Variants in TSN observed in about 807,000 individuals in gnomAD.
TSN encodes component 3 of promoter of RISC.
A neutral mutation model predicts 29.4 loss-of-function variants in TSN; 5 were observed. That is an observed-to-expected ratio of 0.17 (90% CI 0.09 to 0.36). The LOEUF (loss-of-function observed/expected upper bound fraction) is 0.36, where lower values mean the gene tolerates loss of function less well. Ranked by LOEUF, TSN falls within the 10% of genes least tolerant of loss-of-function variation. The pLI, the probability that TSN is intolerant of heterozygous loss-of-function variation, is 1.00. For missense variants in TSN, 159 were observed against 272.8 expected (o/e 0.58, Z 2.94); for synonymous variants, 106 against 102.2 (o/e 1.04, Z -0.23).
intron 1 of TSN, chr2:121,756,298 A>G: frequency 4.0e-6 from 1 of 248,942 alleles, no homozygotes; most frequent in South Asian, 3.8e-5. Flanking sequence ...GTCTTTGTGT[A>G]TGATGTTCAC....
At chr2:121,757,372 T>C (rs773248993) in intron 2 of TSN, 39 bp downstream of exon 2, 3 of 1,613,152 alleles carry the variant, frequency 1.9e-6, no homozygotes, top group Non-Finnish European at 2.5e-6. Context: ...CAGTCTCTTA[T>C]TTAGAGGGAG....
Position 121,761,389 on chromosome 2 carries a change from A to C in TSN, c.258-20A>C, listed in dbSNP as rs750845308. ...GAAGGTCCCTAACCTTGGAGGCTAAATGTGCTTATTTTCATGCAGATTTCA... is the reference window on the plus strand; with the variant it reads ...GAAGGTCCCTAACCTTGGAGGCTAACTGTGCTTATTTTCATGCAGATTTCA... On this transcript the variant is annotated intron_variant, in intron 3 of 5. Coordinates refer to ENST00000389682, the MANE Select transcript of TSN (RefSeq NM_004622.3). 1.3e-6 allele frequency: 2 copies of C among 1,593,020 alleles called. No individual in the cohort carries two copies. Among genetic ancestry groups the C allele is most frequent in the Admixed American group, 1.7e-5 (1 of 59,988 alleles).
chr2:121,757,504 T>G (rs1166540799), intron 2 of TSN, 171 bp downstream of exon 2: 8 of 1,290,636 alleles, frequency 6.2e-6, no homozygotes, highest in Non-Finnish European at 8.6e-6. Flanking sequence ...CCACACAGTA[T>G]GGTTTAAACA....
Position 121,755,690 on chromosome 2 carries a change from G to C in TSN, c.-90G>C. 1 of 1,538,020 alleles carries C rather than the reference G, an allele frequency of 6.5e-7. No individual in the cohort carries two copies. Among genetic ancestry groups the C allele is most frequent in the Non-Finnish European group, 8.9e-7 (1 of 1,125,564 alleles). ...ACCGGGGGGACGCGGCGGTAGCGGC[G>C]GCCGTTGCGATTGATTGCGCTGGTT... On this transcript the variant is annotated 5_prime_UTR_variant, in exon 1 of 6. Transcript: ENST00000389682.
At chr2:121,764,985 T>C in intron 5 of TSN, 149 bp from the exon 6 acceptor site, 1 of 713,704 alleles carries the variant, frequency 1.4e-6, no homozygotes, top group Non-Finnish European at 2.4e-6. Flanking sequence ...TCAGAGAAGC[T>C]CCTGTCTTGT....
chr2:121,764,571 A>C (rs1473392646), intron 5 of TSN, among the ~76,000 whole-genome samples: 1 of 152,118 alleles, frequency 6.6e-6, no homozygotes, highest in African/African-American at 2.4e-5. Flanking sequence ...TTTTAAAGCC[A>C]GTCAAATGGA....
At chr2:121,760,512 C>G (rs1297972989) in intron 3 of TSN, among the ~76,000 whole-genome samples, 1 of 151,898 alleles carries the variant, frequency 6.6e-6, no homozygotes, top group Non-Finnish European at 1.5e-5. Flanking sequence ...TTTGTGTGAC[C>G]TGCATTATGT....
rs1378128511 is a variant in TSN at position 121,765,048 on chromosome 2, C to G, written c.454-86C>G. On this transcript the variant is annotated intron_variant, in intron 5 of 5. Coordinates refer to ENST00000389682, the MANE Select transcript of TSN (RefSeq NM_004622.3). ...AGATCAGCGTGGCTGTCTAGGCTTG[C>G]GGTTCTTCTGGTTGTGATTCAGAGG... The G allele has an allele frequency of 2.4e-6, 3 of 1,270,574 alleles. No individual in the cohort carries two copies. The East Asian group carries it at 6.9e-5, about 29-fold the overall frequency. The allele number at this position is 1,270,574 out of a possible 1,614,324, so 78.7% of individuals were successfully genotyped here. A position where few individuals can be genotyped will look rare whatever the true frequency, so the allele number is the denominator to read the frequency against.
rs2074739298 is a variant in TSN, at chr2:121,755,916, C to T, written c.66+71C>T. ...TTGGGCCACTTCGCCCGGCCCTCCT[C>T]TGTCGCTCAGTCTCGGGCGGTGGGG... On this transcript the variant is annotated intron_variant, in intron 1 of 5. Transcript: ENST00000389682. 9 of 1,605,202 alleles carry T rather than the reference C, an allele frequency of 5.6e-6. No homozygotes were observed. In the South Asian group the frequency reaches 7.7e-5, roughly 14 times the overall value.
At chr2:121,759,485 G>A (rs190971137) in intron 3 of TSN, among the ~76,000 whole-genome samples, 3 of 152,170 alleles carry the variant, frequency 2.0e-5, no homozygotes, top group Admixed American at 1.3e-4. Context: ...GCTTATCCCT[G>A]TAACCCCAGC....
At chr2:121,759,902 A>G (rs1454183579) in intron 3 of TSN, among the ~76,000 whole-genome samples, 1 of 152,252 alleles carries the variant, frequency 6.6e-6, no homozygotes, top group African/African-American at 2.4e-5. Flanking sequence ...TGTTAAAAAA[A>G]AGAAAATCCC....
At chr2:121,763,111 T>A in intron 5 of TSN, 27 bp downstream of exon 5, 1 of 1,538,884 alleles carries the variant, frequency 6.5e-7, no homozygotes, top group Non-Finnish European at 8.8e-7. Flanking sequence ...GCTGGTTGCT[T>A]TTTTGATCTT....
chr2:121,762,592 A>G (rs561229836), intron 4 of TSN, among the ~76,000 whole-genome samples: 1 of 152,380 alleles, frequency 6.6e-6, no homozygotes, highest in East Asian at 1.9e-4. Context: ...AAAGAATAGT[A>G]CAATGAATAC....
intron 5 of TSN, 65 bp downstream of exon 5, chr2:121,763,149 T>G (rs1383638777): frequency 4.5e-6 from 6 of 1,328,642 alleles, no homozygotes; most frequent in East Asian, 2.5e-5. Context: ...TTTTTTTTTT[T>G]TTTTTTTTTT....
In TSN at chr2:121,761,391, G is replaced by A. The variant is rs1382720657; in HGVS notation, c.258-18G>A. ...AGGTCCCTAACCTTGGAGGCTAAAT[G>A]TGCTTATTTTCATGCAGATTTCATG... On this transcript the variant is annotated intron_variant, in intron 3 of 5. Coordinates refer to ENST00000389682, the MANE Select transcript of TSN (RefSeq NM_004622.3). 1.3e-6 allele frequency: 2 copies of A among 1,598,960 alleles called. No individual in the cohort carries two copies. The highest frequency in any genetic ancestry group is 1.7e-6 in the Non-Finnish European group (2 of 1,166,298).
chr2:121,758,313 G>A (rs1016891056), intron 2 of TSN, among the ~76,000 whole-genome samples: 1 of 152,106 alleles, frequency 6.6e-6, no homozygotes, highest in Admixed American at 6.5e-5. Context: ...TTAATGATAC[G>A]GAGTTGGTCA....
intron 3 of TSN, 96 bp from the exon 4 acceptor site, chr2:121,761,313 T>C: frequency 1.3e-6 from 1 of 778,518 alleles, no homozygotes; most frequent in South Asian, 1.6e-5. Flanking sequence ...ATTTGAAAAA[T>C]GATCGCATTT....
At chr2:121,762,281 C>T (rs867121651) in intron 4 of TSN, among the ~76,000 whole-genome samples, 4 of 152,194 alleles carry the variant, frequency 2.6e-5, no homozygotes, top group Non-Finnish European at 5.9e-5. Context: ...CGTGAGTGAC[C>T]GCACTCAGCC....
intron 2 of TSN, among the ~76,000 whole-genome samples, chr2:121,758,349 G>C (rs1381950339): frequency 6.6e-6 from 1 of 152,100 alleles, no homozygotes; most frequent in African/African-American, 2.4e-5. Context: ...CTTGGTAAAG[G>C]CTTTTTTCTG....
Sources: gnomAD v4.1 joint callset for allele counts (sites outside exome capture counted in the v4.1 genomes callset) on GRCh38, gnomAD v4.1.1 for gene constraint, MANE v1.5 for transcripts, NCBI Gene and HGNC (gene_info 2026-07-23, HGNC 2026-07-21) for gene names.